LIMS1: variants seen among roughly 807,000 people sequenced by gnomAD.
LIMS1 encodes LIM and senescent cell antigen-like-containing domain protein 1.
A neutral mutation model predicts 44.1 loss-of-function variants in LIMS1; 18 were observed. The observed-to-expected ratio is 0.41, with a 90% CI of 0.28 to 0.61. LIMS1 has a LOEUF of 0.61. Among genes scored for constraint, LIMS1 ranks in the 20% least tolerant of loss-of-function variants. The pLI, the probability that LIMS1 is intolerant of heterozygous loss-of-function variation, is 0.32. For missense variants in LIMS1, 201 were observed against 422.0 expected, an observed-to-expected ratio of 0.48 and a Z score of 4.59; for synonymous variants, 93 against 149.1, an observed-to-expected ratio of 0.62 and a Z score of 2.74.
chr2:108,558,780 C>G (rs1685015261), intron 1 of LIMS1, among the ~76,000 whole-genome samples: 1 of 151,498 alleles, frequency 6.6e-6, no homozygotes, highest in African/African-American at 2.4e-5. Context: ...AAGCAATTCT[C>G]TTGCCTCAGC....
At chr2:108,684,041 C>G (rs1400114145) in exon 10 of LIMS1, 1 of 1,015,568 alleles carries the variant, frequency 9.8e-7, no homozygotes, top group South Asian at 1.4e-5. Flanking sequence ...AAGAGATTAC[C>G]AACATTACTT....
intron 6 of LIMS1, 93 bp from the exon 7 acceptor site, chr2:108,676,513 T>C: frequency 1.4e-6 from 2 of 1,450,154 alleles, no homozygotes; most frequent in Non-Finnish European, 1.9e-6. Context: ...AAACTTTCCT[T>C]CATCTTCTCT....
chr2:108,685,374 G>A (rs1693245632), exon 10 of LIMS1: 1 of 152,104 alleles, frequency 6.6e-6, no homozygotes, highest in Non-Finnish European at 1.5e-5. Context: ...AAATGTTGCT[G>A]CTGCTTTGTT....
chr2:108,542,428 A>T (rs2104571267), intron 1 of LIMS1, among the ~76,000 whole-genome samples: 1 of 152,354 alleles, frequency 6.6e-6, no homozygotes, highest in African/African-American at 2.4e-5. Flanking sequence ...TTTTACAGAT[A>T]AGGAAACCAA....
At chr2:108,667,558 A>G (rs1691863586) in intron 2 of LIMS1, among the ~76,000 whole-genome samples, 1 of 144,372 alleles carries the variant, frequency 6.9e-6, no homozygotes, top group East Asian at 2.0e-4. Flanking sequence ...AAAAATATAT[A>G]TATATATATA....
intron 9 of LIMS1, chr2:108,681,472 T>G (rs1692988854): frequency 7.2e-6 from 7 of 977,902 alleles, no homozygotes; most frequent in Non-Finnish European, 8.5e-6. Context: ...AATCTCTTAA[T>G]AGACCCTGGA....
At chr2:108,601,990 T>TA (rs1687043226) in intron 1 of LIMS1, among the ~76,000 whole-genome samples, 1 of 152,262 alleles carries the variant, frequency 6.6e-6, no homozygotes, top group African/African-American at 2.4e-5. Context: ...ATCAGTGTTT[T>TA]ATAGTTTTCA....
chr2:108,556,655 T>C (rs1684933348), intron 1 of LIMS1, among the ~76,000 whole-genome samples: 1 of 152,210 alleles, frequency 6.6e-6, no homozygotes, highest in Admixed American at 6.5e-5. Flanking sequence ...GCTGAAAGAA[T>C]GAGGGTCAGT....
At chr2:108,629,730 C>T (rs377359739) in intron 1 of LIMS1, among the ~76,000 whole-genome samples, 1 of 152,264 alleles carries the variant, frequency 6.6e-6, no homozygotes, top group East Asian at 1.9e-4. Context: ...TTTTCCCAGA[C>T]AGGATTTCCC....
chr2:108,588,891 A>G (rs1428284726), intron 1 of LIMS1, among the ~76,000 whole-genome samples: 1 of 152,212 alleles, frequency 6.6e-6, no homozygotes, highest in Non-Finnish European at 1.5e-5. Flanking sequence ...TGGGTGTGGA[A>G]GGGAAACTAT....
intron 1 of LIMS1, among the ~76,000 whole-genome samples, chr2:108,615,706 T>A (rs1687892781): frequency 6.6e-6 from 1 of 152,150 alleles, no homozygotes; most frequent in Admixed American, 6.5e-5. Flanking sequence ...AGGAATGAGA[T>A]TTCTGACTAT....
At chr2:108,637,797 A>AT (rs75761844) in intron 1 of LIMS1, among the ~76,000 whole-genome samples, 53,052 of 151,888 alleles carry the variant, frequency 0.35, 11,545 homozygotes, top group East Asian at 0.89. Flanking sequence ...GTACAGAGAC[A>AT]TTTTCTAGTT....
intron 1 of LIMS1, among the ~76,000 whole-genome samples, chr2:108,634,226 C>T (rs1337719120): frequency 6.6e-6 from 1 of 152,188 alleles, no homozygotes; most frequent in Non-Finnish European, 1.5e-5. Flanking sequence ...GACTGCAGGG[C>T]TCTCTGGTGT....
chr2:108,549,740 T>C (rs1328868473), intron 1 of LIMS1, among the ~76,000 whole-genome samples: 1 of 152,128 alleles, frequency 6.6e-6, no homozygotes, highest in Non-Finnish European at 1.5e-5. Context: ...ATGGACAGAA[T>C]TATTATGAAG....
chr2:108,653,832 G>A (rs867964657), intron 1 of LIMS1, among the ~76,000 whole-genome samples: 33 of 122,750 alleles, frequency 2.7e-4, no homozygotes, highest in African/African-American at 9.4e-4. Context: ...CCAGTAAGGT[G>A]GAACAATTCG....
chr2:108,544,561 C>T (rs1684422735), intron 1 of LIMS1, among the ~76,000 whole-genome samples: 1 of 152,148 alleles, frequency 6.6e-6, no homozygotes, highest in East Asian at 1.9e-4. Context: ...CACTGGTGCT[C>T]TTGGCTCATT....
intron 1 of LIMS1, among the ~76,000 whole-genome samples, chr2:108,631,266 T>A (rs1489538050): frequency 2.0e-5 from 3 of 152,248 alleles, no homozygotes; most frequent in African/African-American, 7.2e-5. Flanking sequence ...TTGTTTTAAG[T>A]TGCTGAGTGA....
At chr2:108,608,668 A>C (rs371865093) in intron 1 of LIMS1, among the ~76,000 whole-genome samples, 373 of 152,264 alleles carry the variant, frequency 2.4e-3, no homozygotes, top group Non-Finnish European at 4.1e-3. Flanking sequence ...TTTTACAGCT[A>C]TACAGCATTT....
At position 108,621,573 on chromosome 2, in the gene LIMS1, C is replaced by T. The variant is rs1316506961; in HGVS notation, c.33-38032C>T. On this transcript the variant is annotated intron_variant, in intron 1 of 9. Transcript: ENST00000544547. ...TGGGAAGTACTCATTGAAAAGTAGC[C>T]TCTTAGTCTGTAATTAAAAACTGAA... The T allele has an allele frequency of 4.0e-6, 3 of 757,056 alleles. No individual in the cohort carries two copies. In the African/African-American group the frequency reaches 5.2e-5, roughly 13 times the overall value. 46.9% of individuals were successfully genotyped at this position (757,056 alleles called of 1,614,324 possible). A position where few individuals can be genotyped will look rare whatever the true frequency, so the allele number is the denominator to read the frequency against.
Sources: gnomAD v4.1 joint callset for allele counts (sites outside exome capture counted in the v4.1 genomes callset) on GRCh38, gnomAD v4.1.1 for gene constraint, MANE v1.5 for transcripts, NCBI Gene and HGNC (gene_info 2026-07-23, HGNC 2026-07-21) for gene names.